The following GPR137C variants were observed in gnomAD, a reference collection of about 807,000 sequenced individuals.
GPR137C encodes the protein G protein-coupled receptor 137C, also known as integral membrane protein GPR137C.
A neutral mutation model predicts 43.4 loss-of-function variants in GPR137C; 27 were observed. That is an observed-to-expected ratio of 0.62 (90% CI 0.46 to 0.86). The LOEUF is 0.86. Ranked by LOEUF, GPR137C falls within the 40% of genes least tolerant of loss-of-function variation. The pLI is 0.00. For synonymous variants in GPR137C, 285 were observed against 226.9 expected, an observed-to-expected ratio of 1.26 and a Z score of -2.30; for missense variants, 522 against 534.6, an observed-to-expected ratio of 0.98 and a Z score of 0.23.
At chr14:52,590,031 G>A (rs1428696015) in intron 1 of GPR137C, among the ~76,000 whole-genome samples, 1 of 152,084 alleles carries the variant, frequency 6.6e-6, no homozygotes, top group Non-Finnish European at 1.5e-5. Context: ...AGGTCCTTCA[G>A]GAAGTATTCC....
At chr14:52,621,311 G>A (rs2039158384) in intron 3 of GPR137C, among the ~76,000 whole-genome samples, 1 of 151,692 alleles carries the variant, frequency 6.6e-6, no homozygotes, top group Non-Finnish European at 1.5e-5. Flanking sequence ...TACAAATCCA[G>A]TGAAGATATT....
intron 2 of GPR137C, 149 bp from the exon 3 acceptor site, chr14:52,599,964 C>A: frequency 3.3e-6 from 2 of 610,696 alleles, no homozygotes; most frequent in Non-Finnish European, 2.9e-6. Context: ...CAACCTGAGA[C>A]TATTTCTGAA....
intron 3 of GPR137C, among the ~76,000 whole-genome samples, chr14:52,620,892 G>A (rs1434462185): frequency 1.3e-5 from 2 of 151,816 alleles, no homozygotes; most frequent in Non-Finnish European, 2.9e-5. Context: ...AGGAAAGTGG[G>A]GAAAGCCTGT....
Position 52,635,310 on chromosome 14 carries a change from T to G in GPR137C, c.*195T>G, listed in dbSNP as rs2039341181. Reference sequence around the variant, plus strand: ...GTAAAATGAAGTAAAATGGAAAGTTTGGAGTAGGAGAAAAGAGAGATTAGA... The same window carrying G: ...GTAAAATGAAGTAAAATGGAAAGTTGGGAGTAGGAGAAAAGAGAGATTAGA... On this transcript the variant is annotated 3_prime_UTR_variant, in exon 7 of 7. Coordinates refer to ENST00000321662, the MANE Select transcript of GPR137C (RefSeq NM_001099652.2). The G allele has an allele frequency of 8.9e-6, 4 of 447,134 alleles. No individual in the cohort carries two copies. The highest frequency in any genetic ancestry group is 1.1e-3 in the Middle Eastern group (2 of 1,766). The allele number at this position is 447,134 out of a possible 1,614,324, so 27.7% of individuals were successfully genotyped here. A position where few individuals can be genotyped will look rare whatever the true frequency, so the allele number is the denominator to read the frequency against.
chr14:52,564,842 T>C (rs2038342210), intron 1 of GPR137C, among the ~76,000 whole-genome samples: 2 of 152,046 alleles, frequency 1.3e-5, no homozygotes, highest in African/African-American at 4.8e-5. Context: ...AATAGCATAG[T>C]GAGGAGGAAT....
intron 3 of GPR137C, among the ~76,000 whole-genome samples, chr14:52,606,241 G>T (rs2038982463): frequency 6.6e-6 from 1 of 151,956 alleles, no homozygotes; most frequent in Non-Finnish European, 1.5e-5. Flanking sequence ...GATGTATTCA[G>T]GTTTTCTTCG....
chr14:52,633,676 A>G (rs529644062), intron 5 of GPR137C, 21 bp downstream of exon 5: 18 of 1,609,296 alleles, frequency 1.1e-5, no homozygotes, highest in African/African-American at 9.4e-5. Flanking sequence ...ATATTCCCCA[A>G]TGCCTGTTCT....
At chr14:52,598,194 TA>T in intron 1 of GPR137C, 77 bp from the exon 2 acceptor site, 1 of 551,098 alleles carries the variant, frequency 1.8e-6, no homozygotes, top group Non-Finnish European at 3.2e-6. Context: ...GGTAGCACTT[TA>T]AAACACAAAA....
At chr14:52,606,189 T>C (rs1440361635) in intron 3 of GPR137C, among the ~76,000 whole-genome samples, 2 of 152,186 alleles carry the variant, frequency 1.3e-5, no homozygotes, top group Non-Finnish European at 2.9e-5. Flanking sequence ...TTTTTCTTTG[T>C]TGGGGGACTT....
chr14:52,573,960 A>G (rs1296734554), intron 1 of GPR137C, among the ~76,000 whole-genome samples: 1 of 150,162 alleles, frequency 6.7e-6, no homozygotes, highest in Non-Finnish European at 1.5e-5. Context: ...CCACAAACAT[A>G]TGAAAAAAAG....
chr14:52,595,024 A>C (rs1317613597), intron 1 of GPR137C, among the ~76,000 whole-genome samples: 2 of 152,052 alleles, frequency 1.3e-5, no homozygotes, highest in Non-Finnish European at 2.9e-5. Flanking sequence ...TGGAGACAAA[A>C]TCTCTCAGCA....
At chr14:52,555,413 T>C (rs1468582137) in intron 1 of GPR137C, among the ~76,000 whole-genome samples, 1 of 152,136 alleles carries the variant, frequency 6.6e-6, no homozygotes, top group African/African-American at 2.4e-5. Context: ...ATATAAAGCA[T>C]TTTCCGTGTC....
At chr14:52,585,739 GC>G (rs1372671662) in intron 1 of GPR137C, among the ~76,000 whole-genome samples, 3 of 152,176 alleles carry the variant, frequency 2.0e-5, no homozygotes, top group African/African-American at 7.2e-5. Context: ...GGAGGCTGAG[GC>G]GTGAGAATCA....
At chr14:52,591,585 T>C (rs1382408706) in intron 1 of GPR137C, among the ~76,000 whole-genome samples, 2 of 152,232 alleles carry the variant, frequency 1.3e-5, no homozygotes, top group African/African-American at 4.8e-5. Flanking sequence ...GCAGTGATGA[T>C]GAGTATTTTT....
intron 1 of GPR137C, among the ~76,000 whole-genome samples, chr14:52,557,818 A>G (rs1247941811): frequency 2.0e-5 from 3 of 152,344 alleles, no homozygotes; most frequent in East Asian, 3.9e-4. Flanking sequence ...CTCAGGTGCT[A>G]TGAAGTCTTA....
At chr14:52,596,602 G>A (rs1489545997) in intron 1 of GPR137C, among the ~76,000 whole-genome samples, 1 of 152,184 alleles carries the variant, frequency 6.6e-6, no homozygotes, top group Non-Finnish European at 1.5e-5. Context: ...ATTGAGCAAG[G>A]CTCTGTGGGC....
chr14:52,607,600 G>A (rs1443853988), intron 3 of GPR137C, among the ~76,000 whole-genome samples: 1 of 152,178 alleles, frequency 6.6e-6, no homozygotes, highest in Non-Finnish European at 1.5e-5. Flanking sequence ...ATCTGGCCAA[G>A]TGCAGTGGTT....
At chr14:52,576,462 T>C (rs1201915097) in intron 1 of GPR137C, among the ~76,000 whole-genome samples, 1 of 152,242 alleles carries the variant, frequency 6.6e-6, no homozygotes, top group Non-Finnish European at 1.5e-5. Context: ...TAAGAATTTC[T>C]TTCCCTTTGG....
intron 3 of GPR137C, among the ~76,000 whole-genome samples, chr14:52,610,882 G>C (rs1381832843): frequency 6.6e-6 from 1 of 152,178 alleles, no homozygotes; most frequent in African/African-American, 2.4e-5. Flanking sequence ...GTCTCTGCTA[G>C]TAACCACCAT....
Sources: gnomAD v4.1 joint callset for allele counts (sites outside exome capture counted in the v4.1 genomes callset) on GRCh38, gnomAD v4.1.1 for gene constraint, MANE v1.5 for transcripts, NCBI Gene and HGNC (gene_info 2026-07-23, HGNC 2026-07-21) for gene names.